VPS13B: variants seen among roughly 807,000 people sequenced by gnomAD.
VPS13B encodes intermembrane lipid transfer protein VPS13B.
A neutral mutation model predicts 426.4 loss-of-function variants in VPS13B; 285 were observed. That is an observed-to-expected ratio of 0.67 (90% CI 0.61 to 0.74). VPS13B has a LOEUF of 0.74. Among genes scored for constraint, VPS13B ranks in the 30% least tolerant of loss-of-function variants. The pLI is 0.00. For missense variants in VPS13B, 4,537 were observed against 4,782.6 expected, an observed-to-expected ratio of 0.95 and a Z score of 1.51; for synonymous variants, 1,676 against 1,676.4, an observed-to-expected ratio of 1.00 and a Z score of 0.01.
intron 19 of VPS13B, among the ~76,000 whole-genome samples, chr8:99,380,898 A>G (rs548667978): frequency 6.6e-6 from 1 of 151,314 alleles, no homozygotes; most frequent in Non-Finnish European, 1.5e-5. Flanking sequence ...TTTAAAAAAA[A>G]AAGACTTTTA....
chr8:99,868,564 A>C (rs2130963739), intron 59 of VPS13B, 99 bp downstream of exon 59: 1 of 1,398,642 alleles, frequency 7.1e-7, no homozygotes, highest in Non-Finnish European at 9.9e-7. Context: ...CACATGGCAG[A>C]CAGTGGCTAT....
chr8:99,067,791 A>G (rs923652791), intron 3 of VPS13B, among the ~76,000 whole-genome samples: 39 of 152,242 alleles, frequency 2.6e-4, no homozygotes, highest in African/African-American at 9.2e-4. Flanking sequence ...GTTGGCATCA[A>G]AAGTATTACT....
At chr8:99,246,796 G>A (rs941863190) in intron 17 of VPS13B, among the ~76,000 whole-genome samples, 1 of 151,624 alleles carries the variant, frequency 6.6e-6, no homozygotes, top group African/African-American at 2.4e-5. Flanking sequence ...AACCTAGGAG[G>A]TGGAGATCTC....
At chr8:99,286,362 A>C (rs1819444505) in intron 19 of VPS13B, among the ~76,000 whole-genome samples, 1 of 152,210 alleles carries the variant, frequency 6.6e-6, no homozygotes, top group South Asian at 2.1e-4. Flanking sequence ...ATATAGAAAT[A>C]AGACAAGTGC....
At chr8:99,132,289 C>G (rs114260473) in intron 8 of VPS13B, among the ~76,000 whole-genome samples, 2 of 152,220 alleles carry the variant, frequency 1.3e-5, no homozygotes, top group East Asian at 3.9e-4. Flanking sequence ...CTAAATTCAT[C>G]GTCATTTCAA....
At chr8:99,835,076 A>C (rs1181910641) in intron 52 of VPS13B, 121 bp from the exon 53 acceptor site, 1 of 1,227,408 alleles carries the variant, frequency 8.1e-7, no homozygotes, top group African/African-American at 1.5e-5. Flanking sequence ...ATCTCCCCTG[A>C]GTTATAAAAC....
At chr8:99,162,131 C>T (rs1288642848) in intron 15 of VPS13B, among the ~76,000 whole-genome samples, 2 of 152,106 alleles carry the variant, frequency 1.3e-5, no homozygotes, top group African/African-American at 4.8e-5. Context: ...CTTTTGAATA[C>T]TTTCAGGATG....
At chr8:99,167,748 G>A (rs749979297) in intron 15 of VPS13B, among the ~76,000 whole-genome samples, 25 of 152,154 alleles carry the variant, frequency 1.6e-4, no homozygotes, top group Non-Finnish European at 3.5e-4. Flanking sequence ...GGCAATACAT[G>A]TTTAACTTTT....
intron 39 of VPS13B, among the ~76,000 whole-genome samples, chr8:99,763,991 A>C (rs1347155098): frequency 1.3e-5 from 2 of 152,238 alleles, no homozygotes; most frequent in Admixed American, 1.3e-4. Flanking sequence ...GTCCTGTTGA[A>C]AGATTGAGAA....
intron 44 of VPS13B, among the ~76,000 whole-genome samples, chr8:99,813,155 C>T (rs1210332747): frequency 6.6e-6 from 1 of 152,170 alleles, no homozygotes; most frequent in East Asian, 1.9e-4. Flanking sequence ...CACTGAGTGA[C>T]CATTTTTGGA....
intron 14 of VPS13B, among the ~76,000 whole-genome samples, chr8:99,150,140 G>A (rs887610728): frequency 6.6e-6 from 1 of 152,188 alleles, no homozygotes; most frequent in East Asian, 1.9e-4. Context: ...TTACGATTAA[G>A]AGATCATGTA....
chr8:99,054,136 T>C (rs1426569667), intron 3 of VPS13B, among the ~76,000 whole-genome samples: 1 of 152,248 alleles, frequency 6.6e-6, no homozygotes, highest in African/African-American at 2.4e-5. Context: ...ACAATGAACA[T>C]GGGTGTGCAA....
Position 99,503,351 on chromosome 8 carries a change from CG to C in VPS13B, c.4157+405del, listed in dbSNP as rs1588443966. ...TTGATGTTGATGGCTGCTGACTGAT[CG>C]GGGTGGTGGTTGCTGAAGGTTAGGG... On this transcript the variant is annotated intron_variant, in intron 27 of 61. Coordinates refer to ENST00000357162, the MANE Select transcript of VPS13B (RefSeq NM_152564.5). Among the ~76,000 whole-genome samples, 3 of 152,216 alleles carry C rather than the reference CG, an allele frequency of 2.0e-5. No homozygotes were observed. The East Asian group carries it at 5.8e-4, about 29-fold the overall frequency.
At chr8:99,482,547 G>A (rs1820099954) in intron 25 of VPS13B, among the ~76,000 whole-genome samples, 1 of 152,134 alleles carries the variant, frequency 6.6e-6, no homozygotes, top group Admixed American at 6.5e-5. Context: ...TGAATATGAT[G>A]GCTGCAAATA....
At position 99,136,711 on chromosome 8, in the gene VPS13B, A is replaced by C. The variant is rs769467669; in HGVS notation, c.1610A>C (p.Tyr537Ser). Residue 537 changes from tyrosine (Y) to serine (S), a missense_variant, in exon 12 of 62, where the codon TAT (tyrosine) becomes TCT (serine). This residue lies in a region of VPS13B where 4,311 missense variants were observed against 4,474.3 expected (regional missense o/e 0.96). Coordinates refer to ENST00000357162, the MANE Select transcript of VPS13B (RefSeq NM_152564.5). The stretch of plus-strand genomic sequence containing the variant: ...GGAATGCAACGGTTTGGGGCTTTTT[A>C]TATGGATTACCTGTATACAATGGAG... ...IAGMQRFGAF[Y>S]MDYLYTMENT... The C allele has an allele frequency of 6.2e-7, 1 of 1,613,694 alleles. No individual in the cohort carries two copies. The highest frequency in any genetic ancestry group is 2.2e-5 in the East Asian group (1 of 44,794).
chr8:99,262,664 A>G (rs980286459), intron 17 of VPS13B, among the ~76,000 whole-genome samples: 11 of 151,866 alleles, frequency 7.2e-5, no homozygotes, highest in African/African-American at 2.7e-4. Context: ...AAAATAATTT[A>G]CCTCTTTTCT....
rs976559302 is a variant in VPS13B, at chr8:99,645,353, G to A, written c.5908+2855G>A. Among the ~76,000 whole-genome samples the A allele has an allele frequency of 3.9e-5, 6 of 152,224 alleles. No homozygotes were observed. The East Asian group carries it at 1.2e-3, about 29-fold the overall frequency. Reference sequence around the variant, plus strand: ...CTTAGCATTGAGCCAGCAGGCCTAGGCCCTCAAAAATGTGTGCTGGTACTA... The same window carrying A: ...CTTAGCATTGAGCCAGCAGGCCTAGACCCTCAAAAATGTGTGCTGGTACTA... On this transcript the variant is annotated intron_variant, in intron 34 of 61. Coordinates refer to ENST00000357162, the MANE Select transcript of VPS13B (RefSeq NM_152564.5).
chr8:99,322,278 A>G (rs557056623), intron 19 of VPS13B, among the ~76,000 whole-genome samples: 31 of 152,336 alleles, frequency 2.0e-4, no homozygotes, highest in Middle Eastern at 3.4e-3. Flanking sequence ...CAAATGCTCT[A>G]TGAAAATGTA....
intron 31 of VPS13B, among the ~76,000 whole-genome samples, chr8:99,572,821 A>G (rs537495622): frequency 2.0e-5 from 3 of 152,292 alleles, no homozygotes; most frequent in African/African-American, 7.2e-5. Context: ...TATACCCAGT[A>G]ATGGGATGGC....
Sources: allele counts gnomAD v4.1 joint callset (sites outside exome capture counted in the v4.1 genomes callset), GRCh38; gene constraint gnomAD v4.1.1; regional missense constraint gnomAD v4.1.1; transcripts MANE v1.5; gene names NCBI Gene and HGNC (gene_info 2026-07-23, HGNC 2026-07-21).